Variants in TMEM247 observed in about 807,000 individuals in gnomAD.
The protein encoded by TMEM247 is transmembrane protein ENSP00000343375.
In TMEM247, 23 loss-of-function variants were observed where a neutral mutation model predicts 20.7. That is an observed-to-expected ratio of 1.11 (90% CI 0.80 to 1.57). TMEM247 has a LOEUF of 1.57. Among genes scored for constraint, TMEM247 ranks in the 40% most tolerant of loss-of-function variants. TMEM247 has a pLI of 0.00. For synonymous variants in TMEM247, 106 were observed against 111.9 expected (o/e 0.95, Z 0.33); for missense variants, 354 against 283.8 (o/e 1.25, Z -1.78).
chr2:46,483,298 G>C (rs965985990), intron 2 of TMEM247, among the ~76,000 whole-genome samples: 3 of 152,182 alleles, frequency 2.0e-5, no homozygotes, highest in African/African-American at 2.4e-5. Context: ...GCAACCCACA[G>C]ACAGAATTAG....
At chr2:46,483,670 G>C (rs1384175894) in intron 2 of TMEM247, among the ~76,000 whole-genome samples, 5 of 152,224 alleles carry the variant, frequency 3.3e-5, no homozygotes, top group Admixed American at 6.5e-5. Context: ...GTGGCCTGGC[G>C]CCCCAGTCAG....
chr2:46,480,796 G>C (rs1425620742), intron 2 of TMEM247, 32 bp downstream of exon 2: 8 of 1,382,156 alleles, frequency 5.8e-6, no homozygotes, highest in Non-Finnish European at 7.6e-6. Context: ...ACTGGGAGGA[G>C]GGAGGCCTGG....
intron 2 of TMEM247, among the ~76,000 whole-genome samples, chr2:46,482,791 A>G (rs999225650): frequency 6.6e-6 from 1 of 152,026 alleles, no homozygotes; most frequent in Non-Finnish European, 1.5e-5. Context: ...CTGGTCTCCA[A>G]CCTTCCTAGC....
chr2:46,484,396 G>A, exon 3 of TMEM247: 1 of 1,551,982 alleles, frequency 6.4e-7, no homozygotes, highest in Middle Eastern at 1.7e-4. Flanking sequence ...CAGCCATTTT[G>A]CTCTGTTTGA....
intron 2 of TMEM247, 41 bp downstream of exon 2, chr2:46,480,805 G>A (rs1438116187): frequency 1.3e-6 from 2 of 1,500,650 alleles, no homozygotes; most frequent in East Asian, 5.2e-5. Context: ...AGGGAGGCCT[G>A]GAGCTGAAGT....
At chr2:46,482,711 T>C (rs1446238961) in intron 2 of TMEM247, among the ~76,000 whole-genome samples, 1 of 152,212 alleles carries the variant, frequency 6.6e-6, no homozygotes, top group Non-Finnish European at 1.5e-5. Context: ...TCCAGAGCCA[T>C]ACTGAGCCTG....
chr2:46,480,860 G>A, intron 2 of TMEM247, 96 bp downstream of exon 2: 3 of 1,412,582 alleles, frequency 2.1e-6, no homozygotes, highest in South Asian at 1.5e-5. Flanking sequence ...GCTTTGCGCG[G>A]CACCCCACCC....
intron 2 of TMEM247, among the ~76,000 whole-genome samples, chr2:46,483,998 C>T (rs879450356): frequency 2.6e-5 from 4 of 152,082 alleles, no homozygotes; most frequent in Non-Finnish European, 5.9e-5. Flanking sequence ...ACTACATTGC[C>T]CAGGCTGGTC....
chr2:46,480,390 C>A lies in TMEM247; in HGVS notation c.118-15C>A. On this transcript the variant is annotated splice_polypyrimidine_tract_variant and intron_variant, in intron 1 of 2. Transcript: ENST00000434431. The stretch of plus-strand genomic sequence containing the variant: ...CTCTTCAAGGTACCTCCCCTCCCTG[C>A]TTCCCCTACGCCAGGAGGCAGAGTC... The A allele has an allele frequency of 6.6e-7, 1 of 1,526,288 alleles. No homozygotes were observed. The highest frequency in any genetic ancestry group is 8.8e-7 in the Non-Finnish European group (1 of 1,135,460). The allele number at this position is 1,526,288 out of a possible 1,614,324, so 94.5% of individuals were successfully genotyped here.
chr2:46,480,866 C>T (rs1440515361), intron 2 of TMEM247, 102 bp downstream of exon 2: 4 of 1,390,388 alleles, frequency 2.9e-6, no homozygotes, highest in Middle Eastern at 5.1e-4. Context: ...CGCGGCACCC[C>T]ACCCTGCAGA....
intron 2 of TMEM247, among the ~76,000 whole-genome samples, chr2:46,483,286 G>C (rs1043575499): frequency 6.6e-6 from 1 of 152,128 alleles, no homozygotes; most frequent in Admixed American, 6.5e-5. Context: ...TTCAAGAAAA[G>C]AGCAACCCAC....
intron 1 of TMEM247, 50 bp downstream of exon 1, chr2:46,479,752 G>T: frequency 7.6e-7 from 1 of 1,307,850 alleles, no homozygotes; most frequent in Non-Finnish European, 1.1e-6. Flanking sequence ...GTCAGGGGGA[G>T]CAAGAATACT....
At chr2:46,480,764 G>T in exon 2 of TMEM247, 1 of 1,544,236 alleles carries the variant, frequency 6.5e-7, no homozygotes, top group Non-Finnish European at 8.7e-7. Context: ...CGCCCCGCCT[G>T]GTGGGTGACA....
At chr2:46,483,318 T>A (rs1298751439) in intron 2 of TMEM247, among the ~76,000 whole-genome samples, 2 of 152,156 alleles carry the variant, frequency 1.3e-5, no homozygotes, top group Non-Finnish European at 2.9e-5. Flanking sequence ...GCCAGACAAC[T>A]CAAGCTGCTT....
intron 1 of TMEM247, among the ~76,000 whole-genome samples, chr2:46,480,159 C>A (rs994234866): frequency 3.3e-5 from 5 of 152,080 alleles, no homozygotes; most frequent in Non-Finnish European, 7.4e-5. Flanking sequence ...CATCAATCTA[C>A]TCAACTCCCA....
At chr2:46,480,499 T>C (rs909945854) in exon 2 of TMEM247, 1 of 1,551,700 alleles carries the variant, frequency 6.4e-7, no homozygotes. Context: ...CTTAAATCGC[T>C]GTCCCCCAAG....
exon 2 of TMEM247, chr2:46,480,456 G>A (rs139055089): frequency 1.3e-6 from 2 of 1,551,480 alleles, no homozygotes; most frequent in Non-Finnish European, 1.7e-6. Context: ...GGAAGAGATG[G>A]AAGCTTGTGA....
intron 1 of TMEM247, among the ~76,000 whole-genome samples, chr2:46,480,103 C>T (rs1057465431): frequency 6.6e-6 from 1 of 152,108 alleles, no homozygotes; most frequent in Non-Finnish European, 1.5e-5. Context: ...AGGATGGGCC[C>T]GGAAGTTGCC....
chr2:46,484,336 CA>C lies in TMEM247; in HGVS notation c.572del (p.Lys191ArgfsTer23). On this transcript the variant is annotated frameshift_variant, in exon 3 of 3. Transcript: ENST00000434431. LOFTEE classifies it high-confidence loss of function. ...TCTTCATTCACATCATCTATGTCAC[CA>C]AGGAGATGGTCTTCTTTCTCTTCGC... 1.3e-6 allele frequency: 2 copies of C among 1,552,350 alleles called. No individual in the cohort carries two copies. The highest frequency in any genetic ancestry group is 1.7e-6 in the Non-Finnish European group (2 of 1,147,098).
Sources: allele counts gnomAD v4.1 joint callset (sites outside exome capture counted in the v4.1 genomes callset), GRCh38; gene constraint gnomAD v4.1.1; transcripts MANE v1.5; gene names NCBI Gene and HGNC (gene_info 2026-07-23, HGNC 2026-07-21).